Variants in FHOD3 observed in about 807,000 individuals in gnomAD.
FHOD3 encodes the protein formin homology 2 domain containing 3, also known as FH1/FH2 domain-containing protein 3.
In FHOD3, 90 loss-of-function variants were observed where a neutral mutation model predicts 173.0. The ratio of observed to expected loss-of-function variants is 0.52; its 90% CI spans 0.44 to 0.62. The LOEUF (loss-of-function observed/expected upper bound fraction) is 0.62, where lower values mean the gene tolerates loss of function less well. FHOD3 is among the 20% of genes least tolerant of loss of function. The probability of loss-of-function intolerance (pLI) is 0.00; values close to 1 mark genes in which losing one functional copy is unlikely to be tolerated. For missense variants in FHOD3, 1,945 were observed against 2,034.7 expected (o/e 0.96, Z 0.85); for synonymous variants, 828 against 823.0 (o/e 1.01, Z -0.10).
At chr18:36,574,299 C>T (rs1161503642) in intron 5 of FHOD3, among the ~76,000 whole-genome samples, 1 of 152,092 alleles carries the variant, frequency 6.6e-6, no homozygotes, top group African/African-American at 2.4e-5. Flanking sequence ...ATACCTTTGC[C>T]AATTTGAGTG....
chr18:36,558,611 A>G (rs949556183), intron 5 of FHOD3, among the ~76,000 whole-genome samples: 2 of 152,224 alleles, frequency 1.3e-5, no homozygotes, highest in African/African-American at 2.4e-5. Flanking sequence ...TACATACACA[A>G]CATTCTGTAC....
intron 10 of FHOD3, among the ~76,000 whole-genome samples, chr18:36,628,213 C>T (rs1434109117): frequency 6.6e-6 from 1 of 152,124 alleles, no homozygotes. Flanking sequence ...TTTTATTAAC[C>T]TCATTGTACA....
At chr18:36,749,883 T>C (rs1383689833) in intron 24 of FHOD3, among the ~76,000 whole-genome samples, 1 of 152,242 alleles carries the variant, frequency 6.6e-6, no homozygotes, top group Non-Finnish European at 1.5e-5. Context: ...TTTTCACTGA[T>C]GTGAGATGGT....
At chr18:36,747,906 C>A (rs1489000003) in intron 24 of FHOD3, among the ~76,000 whole-genome samples, 1 of 152,200 alleles carries the variant, frequency 6.6e-6, no homozygotes, top group African/African-American at 2.4e-5. Flanking sequence ...TCCTTCCTCC[C>A]TCCCTCCCTG....
At chr18:36,329,414 C>G (rs1411505638) in intron 1 of FHOD3, among the ~76,000 whole-genome samples, 2 of 152,218 alleles carry the variant, frequency 1.3e-5, no homozygotes, top group Admixed American at 6.5e-5. Flanking sequence ...GGAACCCACT[C>G]CCTTACCCAA....
intron 28 of FHOD3, chr18:36,778,762 T>C (rs181700387): frequency 6.6e-6 from 1 of 152,340 alleles, no homozygotes; most frequent in East Asian, 1.9e-4. Context: ...AGTTTGCTCC[T>C]TAGCCTCCAT....
intron 6 of FHOD3, among the ~76,000 whole-genome samples, chr18:36,585,799 A>G (rs975654477): frequency 3.9e-5 from 6 of 152,212 alleles, no homozygotes; most frequent in Admixed American, 2.0e-4. Flanking sequence ...TAGCAGTTGG[A>G]GGAAGAGTAG....
At chr18:36,741,449 A>C (rs1568708427) in intron 21 of FHOD3, among the ~76,000 whole-genome samples, 1 of 152,122 alleles carries the variant, frequency 6.6e-6, no homozygotes, top group Non-Finnish European at 1.5e-5. Flanking sequence ...ATCTTAGTTG[A>C]GAGGAAGTCT....
chr18:36,379,114 A>G lies in FHOD3; in HGVS notation c.337+6370A>G, dbSNP rs2047606198. On this transcript the variant is annotated intron_variant, in intron 3 of 28. Coordinates refer to ENST00000590592, the MANE Select transcript of FHOD3 (RefSeq NM_001281740.3). ...GAAAGAGCAACTAAAGAATGAATTT[A>G]AAGAGTGGCTTTACCATCTACAGAC... Among the ~76,000 whole-genome samples, 3 of 152,338 alleles carry G rather than the reference A, an allele frequency of 2.0e-5. No homozygotes were observed. The South Asian group carries it at 6.2e-4, about 32-fold the overall frequency.
chr18:36,422,564 G>A (rs1357712716), intron 3 of FHOD3, among the ~76,000 whole-genome samples: 2 of 152,146 alleles, frequency 1.3e-5, no homozygotes, highest in Non-Finnish European at 2.9e-5. Context: ...ATATCAAATT[G>A]CCTTCCATAG....
At chr18:36,410,086 A>G (rs2049277680) in intron 3 of FHOD3, among the ~76,000 whole-genome samples, 1 of 152,190 alleles carries the variant, frequency 6.6e-6, no homozygotes, top group Admixed American at 6.5e-5. Flanking sequence ...TCACAGAGTT[A>G]TGCAACCATC....
At chr18:36,388,576 C>G (rs529134094) in intron 3 of FHOD3, among the ~76,000 whole-genome samples, 39 of 152,318 alleles carry the variant, frequency 2.6e-4, no homozygotes, top group Admixed American at 2.1e-3. Context: ...TCGGCAGAGC[C>G]TGGGTTGTGG....
chr18:36,610,757 T>C (rs1454010693), intron 8 of FHOD3, among the ~76,000 whole-genome samples: 1 of 152,238 alleles, frequency 6.6e-6, no homozygotes, highest in Non-Finnish European at 1.5e-5. Context: ...GTTGGTCTTA[T>C]TCCTTCCTAG....
chr18:36,407,635 C>T (rs943439388), intron 3 of FHOD3, among the ~76,000 whole-genome samples: 3 of 152,254 alleles, frequency 2.0e-5, no homozygotes, highest in South Asian at 2.1e-4. Flanking sequence ...TGTCTGACTC[C>T]GAAGACACAT....
chr18:36,716,160 G>T (rs749410989), intron 18 of FHOD3, among the ~76,000 whole-genome samples: 1 of 152,256 alleles, frequency 6.6e-6, no homozygotes, highest in Non-Finnish European at 1.5e-5. Flanking sequence ...ACATCATGTG[G>T]CTGTTGGGGT....
At chr18:36,752,983 T>C (rs2150176847) in intron 24 of FHOD3, among the ~76,000 whole-genome samples, 1 of 152,234 alleles carries the variant, frequency 6.6e-6, no homozygotes, top group South Asian at 2.1e-4. Flanking sequence ...CAAGTGGTAA[T>C]AACAGCCAGG....
At chr18:36,663,537 A>G (rs1182802817) in intron 14 of FHOD3, among the ~76,000 whole-genome samples, 3 of 152,344 alleles carry the variant, frequency 2.0e-5, no homozygotes, top group African/African-American at 4.8e-5. Context: ...GGTTGTGTAC[A>G]GTGACTGACA....
chr18:36,453,838 G>T (rs2052008964), intron 3 of FHOD3, among the ~76,000 whole-genome samples: 2 of 152,128 alleles, frequency 1.3e-5, no homozygotes, highest in Non-Finnish European at 2.9e-5. Flanking sequence ...TGGAGTCCAG[G>T]GCTTTTGAGA....
intron 14 of FHOD3, among the ~76,000 whole-genome samples, chr18:36,673,097 C>T (rs1034809788): frequency 2.0e-5 from 3 of 152,150 alleles, no homozygotes; most frequent in Admixed American, 6.5e-5. Context: ...GACAGAAAAT[C>T]TCCCCCTCAG....
Sources: gnomAD v4.1 joint callset for allele counts (sites outside exome capture counted in the v4.1 genomes callset) on GRCh38, gnomAD v4.1.1 for gene constraint, MANE v1.5 for transcripts, NCBI Gene and HGNC (gene_info 2026-07-23, HGNC 2026-07-21) for gene names.